MPDZ: variants seen among roughly 807,000 people sequenced by gnomAD.
MPDZ encodes multiple PDZ domain crumbs cell polarity complex component, also known as multiple PDZ domain protein.
MPDZ carries 234 observed loss-of-function variants against 239.1 expected under a neutral mutation model. That is an observed-to-expected ratio of 0.98 (90% CI 0.88 to 1.09). The LOEUF (loss-of-function observed/expected upper bound fraction) is 1.09, where lower values mean the gene tolerates loss of function less well. MPDZ is among the 50% of genes least tolerant of loss of function. The pLI, the probability that MPDZ is intolerant of heterozygous loss-of-function variation, is 0.00. For synonymous variants in MPDZ, 1,048 were observed against 881.3 expected, an observed-to-expected ratio of 1.19 and a Z score of -3.35; for missense variants, 3,175 against 2,510.0, an observed-to-expected ratio of 1.26 and a Z score of -5.66.
chr9:13,244,419 A>G (rs1459645957), intron 3 of MPDZ, among the ~76,000 whole-genome samples: 1 of 152,196 alleles, frequency 6.6e-6, no homozygotes, highest in Non-Finnish European at 1.5e-5. Flanking sequence ...ATTGACACAC[A>G]GTCACAGTTC....
At chr9:13,272,517 A>T (rs1973210661) in intron 1 of MPDZ, among the ~76,000 whole-genome samples, 1 of 152,096 alleles carries the variant, frequency 6.6e-6, no homozygotes, top group African/African-American at 2.4e-5. Flanking sequence ...TGGAAGGGTC[A>T]GACAACACTC....
rs758517075 is a variant in MPDZ, at chr9:13,110,046, C to T, written c.5848G>A (p.Val1950Met). The T allele has an allele frequency of 1.2e-5, 19 of 1,612,838 alleles. No individual in the cohort carries two copies. Among genetic ancestry groups the T allele is most frequent in the Admixed American group, 3.3e-5 (2 of 59,874 alleles). ...IEMQVVAGGD[V>M]SVVTGHQQEP... ...TGCTGATGACCTGTGACCACACTCA[C>T]GTCTCCTCCAGCAACCACCTGCGCA... The change falls in exon 45 of 47, where the codon GTG (valine) becomes ATG (methionine). Residue 1950 changes from valine to methionine, a missense_variant. By Grantham distance (21) the Val-to-Met change is conservative. Coordinates refer to ENST00000319217, the MANE Select transcript of MPDZ (RefSeq NM_001378778.1).
intron 45 of MPDZ, among the ~76,000 whole-genome samples, chr9:13,109,324 ATGTTCTCAT>A (rs759927170): frequency 3.7e-4 from 57 of 152,270 alleles, no homozygotes; most frequent in Admixed American, 7.9e-4. Flanking sequence ...TATTCATGGC[ATGTTCTCAT>A]TGTACAGAGA....
intron 1 of MPDZ, among the ~76,000 whole-genome samples, chr9:13,260,000 ATT>A (rs113820106): frequency 6.9e-6 from 1 of 144,176 alleles, no homozygotes. Context: ...CGCCCGGCTA[ATT>A]TTTTTTTTTT....
intron 3 of MPDZ, among the ~76,000 whole-genome samples, chr9:13,228,104 T>C: frequency 6.6e-6 from 1 of 152,090 alleles, no homozygotes; most frequent in East Asian, 1.9e-4. Context: ...GAATATAAAA[T>C]AAACAAAAGA....
At position 13,186,798 on chromosome 9, in the gene MPDZ, T is replaced by C. The variant is rs562274828; in HGVS notation, c.2365-412A>G. On this transcript the variant is annotated intron_variant, in intron 17 of 46. Coordinates refer to ENST00000319217, the MANE Select transcript of MPDZ (RefSeq NM_001378778.1). ...AACTTTTAGGTATTAATAAAAGAAGTTGCAGAAAAACAAAATATTAAAAAG... is the reference window on the plus strand; with the variant it reads ...AACTTTTAGGTATTAATAAAAGAAGCTGCAGAAAAACAAAATATTAAAAAG... 4.3e-3 allele frequency among the ~76,000 whole-genome samples: 648 copies of C among 152,262 alleles called. 1 individual carries two copies. Among genetic ancestry groups the C allele is most frequent in the Middle Eastern group, 0.01 (3 of 294 alleles).
rs747239643 is a variant in MPDZ at position 13,126,713 on chromosome 9, T to C, written c.4524A>G (p.Ile1508Met). The C allele has an allele frequency of 3.7e-5, 59 of 1,613,924 alleles. No homozygotes were observed. The Middle Eastern group carries it at 8.2e-4, about 23-fold the overall frequency. ...CTACCCCATGCTCTGTTAAGCTCTT[T>C]ATGATGACTCCACTGAGTGTATCTT... ...SEEDTLSGVIIKSLTEHGVAA... is the reference protein window; with the variant it reads ...SEEDTLSGVIMKSLTEHGVAA... The change falls in exon 33 of 47, where the codon ATA becomes ATG. Residue 1508 changes from isoleucine (I) to methionine (M), a missense_variant. Physicochemically the swap from Ile to Met is conservative, Grantham distance 10. Transcript: ENST00000319217.
chr9:13,183,556 AT>A lies in MPDZ; in HGVS notation c.2510del (p.Asp837ValfsTer35). 1 of 1,612,634 alleles carries A rather than the reference AT, an allele frequency of 6.2e-7. No individual in the cohort carries two copies. ...AGTATGGAGACTCAAATGTGGATTC[AT>A]CTACTAAGTCAGCATCATTTGTGCC... ...LVGTNDADLV[D>X]ESTFESPYSP... On this transcript the variant is annotated frameshift_variant, in exon 19 of 47. Coordinates refer to ENST00000319217, the MANE Select transcript of MPDZ (RefSeq NM_001378778.1). LOFTEE classifies it high-confidence loss of function.
chr9:13,153,734 T>A (rs1949487113), intron 24 of MPDZ, among the ~76,000 whole-genome samples: 1 of 152,162 alleles, frequency 6.6e-6, no homozygotes, highest in Non-Finnish European at 1.5e-5. Flanking sequence ...TATAGTAAGT[T>A]CAGCCACAAG....
At chr9:13,176,719 A>G (rs1015269039) in intron 19 of MPDZ, among the ~76,000 whole-genome samples, 1 of 152,154 alleles carries the variant, frequency 6.6e-6, no homozygotes, top group African/African-American at 2.4e-5. Flanking sequence ...ATTTACAAAT[A>G]AAATTATTCA....
chr9:13,150,589 GC>G lies in MPDZ; in HGVS notation c.3551del (p.Gly1184AlafsTer19), dbSNP rs1421410751. The G allele has an allele frequency of 2.6e-6, 4 of 1,559,114 alleles. No homozygotes were observed. The highest frequency in any genetic ancestry group is 3.5e-6 in the Non-Finnish European group (4 of 1,150,928). ...CTTCCAGAACATGTTTGATGAAAAT[GC>G]CCCTCATCACTTCTCCATTGCTTAG... ...SRLSNGEVMR[G>X]IFIKHVLEDS... is the part of the protein sequence containing the mutation. On this transcript the variant is annotated frameshift_variant, in exon 25 of 47. Transcript: ENST00000319217. LOFTEE classifies it high-confidence loss of function.
chr9:13,268,330 C>T (rs1228893701), intron 1 of MPDZ, among the ~76,000 whole-genome samples: 1 of 151,912 alleles, frequency 6.6e-6, no homozygotes, highest in Non-Finnish European at 1.5e-5. Context: ...CATGAAGGTA[C>T]TTGCATAGGA....
intron 3 of MPDZ, among the ~76,000 whole-genome samples, chr9:13,225,409 A>G (rs1457419770): frequency 1.3e-5 from 2 of 151,820 alleles, no homozygotes; most frequent in Non-Finnish European, 2.9e-5. Flanking sequence ...CAACCATTAT[A>G]TTGGCTATCT....
intron 12 of MPDZ, among the ~76,000 whole-genome samples, chr9:13,200,507 GT>G (rs1956256350): frequency 6.6e-6 from 1 of 151,838 alleles, no homozygotes; most frequent in South Asian, 2.1e-4. Context: ...TTCATAATTA[GT>G]TTGTTTATTT....
At chr9:13,143,836 T>G (rs1369411545) in intron 26 of MPDZ, among the ~76,000 whole-genome samples, 2 of 152,124 alleles carry the variant, frequency 1.3e-5, no homozygotes, top group Non-Finnish European at 2.9e-5. Context: ...TTGCTCAATG[T>G]CTTCGGTATT....
intron 40 of MPDZ, 35 bp downstream of exon 40, chr9:13,115,213 A>C (rs774992747): frequency 6.3e-7 from 1 of 1,575,402 alleles, no homozygotes; most frequent in South Asian, 1.1e-5. Flanking sequence ...TGGCATGCCG[A>C]TTGCATCGCC....
intron 1 of MPDZ, among the ~76,000 whole-genome samples, chr9:13,272,388 A>G (rs1023248464): frequency 6.6e-6 from 1 of 152,122 alleles, no homozygotes; most frequent in African/African-American, 2.4e-5. Flanking sequence ...GTCTAACCCG[A>G]TATATATTCA....
intron 26 of MPDZ, among the ~76,000 whole-genome samples, chr9:13,144,512 G>A (rs779169647): frequency 6.6e-6 from 1 of 151,874 alleles, no homozygotes; most frequent in Non-Finnish European, 1.5e-5. Context: ...AGGGGAAATT[G>A]CAGACATTTA....
At chr9:13,202,494 T>A (rs532526620) in intron 12 of MPDZ, among the ~76,000 whole-genome samples, 59 of 152,294 alleles carry the variant, frequency 3.9e-4, no homozygotes, top group Admixed American at 1.2e-3. Context: ...ATCTTCAACA[T>A]GGCGTACCCA....
Sources: allele counts gnomAD v4.1 joint callset (sites outside exome capture counted in the v4.1 genomes callset), GRCh38; gene constraint gnomAD v4.1.1; transcripts MANE v1.5; gene names NCBI Gene and HGNC (gene_info 2026-07-23, HGNC 2026-07-21).